The following CDKAL1 variants were observed in gnomAD, a reference collection of about 807,000 sequenced individuals.
CDKAL1 encodes the protein threonylcarbamoyladenosine tRNA methylthiotransferase.
A neutral mutation model predicts 68.2 loss-of-function variants in CDKAL1; 32 were observed. The observed-to-expected ratio is 0.47, with a 90% confidence interval of 0.35 to 0.63. The LOEUF (loss-of-function observed/expected upper bound fraction) is 0.63, where lower values mean the gene tolerates loss of function less well. CDKAL1 is among the 30% of genes least tolerant of loss of function. The probability of loss-of-function intolerance (pLI) is 0.00; values close to 1 mark genes in which losing one functional copy is unlikely to be tolerated. For synonymous variants in CDKAL1, 234 were observed against 244.3 expected (o/e 0.96, Z 0.39); for missense variants, 606 against 696.7 (o/e 0.87, Z 1.47).
At chr6:20,866,071 C>T (rs1242245423) in intron 9 of CDKAL1, among the ~76,000 whole-genome samples, 3 of 152,028 alleles carry the variant, frequency 2.0e-5, no homozygotes, top group Non-Finnish European at 4.4e-5. Flanking sequence ...AGAACCAGTG[C>T]CCCAAAGAAA....
At chr6:21,000,101 G>A in intron 10 of CDKAL1, 126 bp from the exon 11 acceptor site, 1 of 631,040 alleles carries the variant, frequency 1.6e-6, no homozygotes, top group South Asian at 2.6e-5. Flanking sequence ...TTCACTTTAA[G>A]AGCCTTGATG....
At chr6:20,801,578 A>G (rs1016685512) in intron 8 of CDKAL1, among the ~76,000 whole-genome samples, 1 of 152,214 alleles carries the variant, frequency 6.6e-6, no homozygotes, top group African/African-American at 2.4e-5. Context: ...GACATTATAG[A>G]CATCAGTATT....
At chr6:21,028,028 T>A (rs1769057255) in intron 11 of CDKAL1, among the ~76,000 whole-genome samples, 1 of 151,152 alleles carries the variant, frequency 6.6e-6, no homozygotes, top group African/African-American at 2.4e-5. Context: ...TGAGGAGGAG[T>A]CAGAGAATCC....
At chr6:20,600,797 C>CATATATATATAT (rs1561956359) in intron 4 of CDKAL1, among the ~76,000 whole-genome samples, 4 of 82,626 alleles carry the variant, frequency 4.8e-5, no homozygotes, top group African/African-American at 1.7e-4. Context: ...TACACACACA[C>CATATATATATAT]ACATGAATGA....
intron 4 of CDKAL1, chr6:20,599,514 TA>T (rs1765990974): frequency 3.2e-6 from 1 of 314,626 alleles, no homozygotes. Flanking sequence ...ATGCAAATAT[TA>T]CCACCTGTAT....
chr6:21,143,370 T>C (rs1201983007), intron 13 of CDKAL1, among the ~76,000 whole-genome samples: 1 of 152,164 alleles, frequency 6.6e-6, no homozygotes, highest in Non-Finnish European at 1.5e-5. Flanking sequence ...AAAGCAAGTG[T>C]ATCTCAGGAG....
chr6:20,868,297 A>G (rs1581730318), intron 9 of CDKAL1, among the ~76,000 whole-genome samples: 1 of 152,220 alleles, frequency 6.6e-6, no homozygotes, highest in South Asian at 2.1e-4. Context: ...TCCAGACTCC[A>G]TTGATAACAC....
intron 15 of CDKAL1, among the ~76,000 whole-genome samples, chr6:21,208,060 A>T (rs931222520): frequency 6.6e-5 from 10 of 151,100 alleles, no homozygotes; most frequent in Non-Finnish European, 1.2e-4. Flanking sequence ...GGAGGCCTGG[A>T]CTTACCATTC....
chr6:20,641,312 A>G (rs528580611), intron 4 of CDKAL1, among the ~76,000 whole-genome samples: 1 of 152,330 alleles, frequency 6.6e-6, no homozygotes, highest in East Asian at 1.9e-4. Flanking sequence ...AAAAAAGGGC[A>G]ATGCATGCTT....
In CDKAL1 at chr6:21,231,324, T is replaced by G. The variant is rs974642962; in HGVS notation, c.*285T>G. 6 of 264,828 alleles carry G rather than the reference T, an allele frequency of 2.3e-5. No homozygotes were observed. Among genetic ancestry groups the G allele is most frequent in the African/African-American group, 1.3e-4 (6 of 45,628 alleles). 16.4% of individuals were successfully genotyped at this position (264,828 alleles called of 1,614,324 possible). ...ATGCAAGCGGTTGCATTTTTTTCTGTTTGTTTCAATCTCTAATCTTTAAGT... is the reference window on the plus strand; with the variant it reads ...ATGCAAGCGGTTGCATTTTTTTCTGGTTGTTTCAATCTCTAATCTTTAAGT... On this transcript the variant is annotated 3_prime_UTR_variant, in exon 16 of 16. Transcript: ENST00000274695.
At chr6:20,779,677 C>T (rs1487838431) in intron 7 of CDKAL1, among the ~76,000 whole-genome samples, 2 of 152,196 alleles carry the variant, frequency 1.3e-5, no homozygotes, top group Non-Finnish European at 2.9e-5. Context: ...CTCTGCTGCC[C>T]AGGTTCAAGT....
rs1251792627 is a variant in CDKAL1 at position 20,694,052 on chromosome 6, GTGTGTGTGTA to G, written c.371+44685_371+44694del. ...CACACCCGGCTAACTTTGTGTGTGT[GTGTGTGTGTA>G]TGTGTGTGTGTGTGTGTGTGTGTGT... On this transcript the variant is annotated intron_variant, in intron 5 of 15. Transcript: ENST00000274695. 6.8e-3 allele frequency among the ~76,000 whole-genome samples: 620 copies of G among 91,360 alleles called. 10 individuals carry two copies. The highest frequency in any genetic ancestry group is 0.065 in the South Asian group (169 of 2,620). 59.9% of individuals were successfully genotyped at this position (91,360 alleles called of 152,430 possible). A position where few individuals can be genotyped will look rare whatever the true frequency, so the allele number is the denominator to read the frequency against.
intron 13 of CDKAL1, among the ~76,000 whole-genome samples, chr6:21,134,038 G>A (rs1209010454): frequency 2.6e-5 from 4 of 152,152 alleles, no homozygotes; most frequent in Non-Finnish European, 5.9e-5. Context: ...TGCATCAAAT[G>A]TAGGTCATCC....
intron 13 of CDKAL1, among the ~76,000 whole-genome samples, chr6:21,126,043 A>G (rs902660133): frequency 6.6e-6 from 1 of 152,208 alleles, no homozygotes; most frequent in Non-Finnish European, 1.5e-5. Context: ...GATGTTTTCC[A>G]AGGTCAGAGT....
At chr6:20,612,793 T>A (rs1312697126) in intron 4 of CDKAL1, among the ~76,000 whole-genome samples, 3 of 152,108 alleles carry the variant, frequency 2.0e-5, no homozygotes, top group Admixed American at 2.0e-4. Context: ...GCTTTTGAGG[T>A]CTTAATGATA....
chr6:20,723,182 T>TA (rs1223020825), intron 5 of CDKAL1, among the ~76,000 whole-genome samples: 1 of 152,148 alleles, frequency 6.6e-6, no homozygotes, highest in Non-Finnish European at 1.5e-5. Flanking sequence ...ACAGTGGAAC[T>TA]AAAGGAGCAC....
At chr6:20,775,152 C>T (rs999343510) in intron 7 of CDKAL1, among the ~76,000 whole-genome samples, 6 of 152,118 alleles carry the variant, frequency 3.9e-5, no homozygotes, top group African/African-American at 1.4e-4. Context: ...ATTTTAGTCA[C>T]TTTACATATT....
chr6:20,850,558 C>A (rs540868341), intron 9 of CDKAL1, among the ~76,000 whole-genome samples: 4 of 152,192 alleles, frequency 2.6e-5, no homozygotes, highest in Admixed American at 2.6e-4. Context: ...CCACCTCAGC[C>A]TCCTGAGTAG....
chr6:20,776,168 C>G (rs1027562467), intron 7 of CDKAL1, among the ~76,000 whole-genome samples: 1 of 152,114 alleles, frequency 6.6e-6, no homozygotes, highest in African/African-American at 2.4e-5. Context: ...TTACTGGAGT[C>G]GCAGCAGGAT....
Sources: allele counts gnomAD v4.1 joint callset (sites outside exome capture counted in the v4.1 genomes callset), GRCh38; gene constraint gnomAD v4.1.1; transcripts MANE v1.5; gene names NCBI Gene and HGNC (gene_info 2026-07-23, HGNC 2026-07-21).